ADAD1: variants seen among roughly 807,000 people sequenced by gnomAD.
The protein encoded by ADAD1 is adenosine deaminase domain-containing protein 1.
ADAD1 carries 46 observed loss-of-function variants against 66.8 expected under a neutral mutation model. The ratio of observed to expected loss-of-function variants is 0.69; its 90% confidence interval spans 0.54 to 0.88. The LOEUF (loss-of-function observed/expected upper bound fraction) is 0.88, where lower values mean the gene tolerates loss of function less well. Among genes scored for constraint, ADAD1 ranks in the 40% least tolerant of loss-of-function variants. The probability of loss-of-function intolerance (pLI) is 0.00; values close to 1 mark genes in which losing one functional copy is unlikely to be tolerated. For missense variants in ADAD1, 617 were observed against 681.8 expected (o/e 0.91, Z 1.06); for synonymous variants, 248 against 229.4 (o/e 1.08, Z -0.73).
intron 7 of ADAD1, among the ~76,000 whole-genome samples, chr4:122,402,916 T>C (rs1349648603): frequency 1.3e-5 from 2 of 152,220 alleles, no homozygotes; most frequent in African/African-American, 4.8e-5. Context: ...TTTTAATTTC[T>C]TTAAGTTGGT....
intron 10 of ADAD1, among the ~76,000 whole-genome samples, chr4:122,413,546 A>G (rs1435334559): frequency 2.6e-5 from 4 of 152,064 alleles, no homozygotes; most frequent in African/African-American, 9.7e-5. Flanking sequence ...TTTCTGCTTA[A>G]GTACTTCAAA....
chr4:122,420,546 G>T lies in ADAD1; in HGVS notation c.1488-715G>T, dbSNP rs111663603. On this transcript the variant is annotated intron_variant, in intron 11 of 12. Transcript: ENST00000296513. Reference sequence around the variant, plus strand: ...ACAAGGCTACTAAAATTCAAGGGAAGGGAAAATCAGCCATGCCTGTTGATG... The same window carrying T: ...ACAAGGCTACTAAAATTCAAGGGAATGGAAAATCAGCCATGCCTGTTGATG... 2.2e-3 allele frequency among the ~76,000 whole-genome samples: 328 copies of T among 152,314 alleles called. 2 individuals are homozygous for T. The highest frequency in any genetic ancestry group is 7.3e-3 in the African/African-American group (304 of 41,576).
intron 11 of ADAD1, among the ~76,000 whole-genome samples, chr4:122,420,562 C>G (rs910034729): frequency 6.6e-6 from 1 of 152,156 alleles, no homozygotes; most frequent in Non-Finnish European, 1.5e-5. Flanking sequence ...ATCAGCCATG[C>G]CTGTTGATGT....
Position 122,429,721 on chromosome 4 carries a change from A to T in ADAD1, c.1713A>T (p.Ile571=). ...CCTGGATTGTGAAATCTCCCTGCAT[A>T]GAGCAATTTAACATGTGAAATAGGC... ...YGSWIVKSPC[I]EQFNM is the part of the protein sequence containing the mutation. The change falls in exon 13 of 13, where the codon ATA becomes ATT. Residue 571 remains isoleucine (I), a synonymous_variant. Coordinates refer to ENST00000296513, the MANE Select transcript of ADAD1 (RefSeq NM_139243.4). 18 of 1,607,400 alleles carry T rather than the reference A, an allele frequency of 1.1e-5. No individual in the cohort carries two copies. Among genetic ancestry groups the T allele is most frequent in the Non-Finnish European group, 1.5e-5 (18 of 1,175,556 alleles).
chr4:122,394,842 T>C (rs965693395), intron 6 of ADAD1, among the ~76,000 whole-genome samples: 2 of 152,206 alleles, frequency 1.3e-5, no homozygotes, highest in African/African-American at 4.8e-5. Flanking sequence ...ATATGTAGTT[T>C]TTAAAAATAC....
At chr4:122,407,398 A>C (rs1796263896) in intron 7 of ADAD1, among the ~76,000 whole-genome samples, 1 of 152,206 alleles carries the variant, frequency 6.6e-6, no homozygotes, top group Non-Finnish European at 1.5e-5. Context: ...AATGGAGCAA[A>C]GTTACTGGAA....
At chr4:122,407,248 GAA>G (rs34089566) in intron 7 of ADAD1, among the ~76,000 whole-genome samples, 2 of 151,658 alleles carry the variant, frequency 1.3e-5, no homozygotes, top group African/African-American at 2.4e-5. Flanking sequence ...GGAATATGGG[GAA>G]AAAAAAGAGT....
At chr4:122,419,118 G>A (rs912448529) in intron 11 of ADAD1, among the ~76,000 whole-genome samples, 2 of 152,122 alleles carry the variant, frequency 1.3e-5, no homozygotes, top group Non-Finnish European at 2.9e-5. Context: ...GCAAAGACAT[G>A]GAATCATTCC....
intron 7 of ADAD1, among the ~76,000 whole-genome samples, chr4:122,406,198 C>T (rs1796204310): frequency 6.6e-6 from 1 of 152,164 alleles, no homozygotes; most frequent in South Asian, 2.1e-4. Flanking sequence ...CTGCCAACAA[C>T]ATATAAGGGT....
chr4:122,420,478 T>C (rs1354203909), intron 11 of ADAD1, among the ~76,000 whole-genome samples: 1 of 152,190 alleles, frequency 6.6e-6, no homozygotes, highest in Non-Finnish European at 1.5e-5. Flanking sequence ...CAGGCCTAGA[T>C]TCAGAATTAT....
intron 11 of ADAD1, among the ~76,000 whole-genome samples, chr4:122,419,758 T>C (rs972563629): frequency 1.3e-5 from 2 of 152,228 alleles, no homozygotes; most frequent in Non-Finnish European, 2.9e-5. Flanking sequence ...TAATGTGTCA[T>C]ATTAATTAAT....
At chr4:122,417,402 C>G (rs1796787987) in intron 11 of ADAD1, among the ~76,000 whole-genome samples, 1 of 148,848 alleles carries the variant, frequency 6.7e-6, no homozygotes, top group South Asian at 2.1e-4. Flanking sequence ...AATTCAGTCT[C>G]AAAGCATTAC....
At chr4:122,426,428 C>T (rs1797239904) in intron 12 of ADAD1, among the ~76,000 whole-genome samples, 1 of 152,120 alleles carries the variant, frequency 6.6e-6, no homozygotes, top group Non-Finnish European at 1.5e-5. Flanking sequence ...AAGACAAATC[C>T]TACAAAAGCT....
rs768759198 is a variant in ADAD1, at chr4:122,393,611, A to G, written c.552A>G (p.Glu184=). 1.3e-5 allele frequency: 21 copies of G among 1,601,126 alleles called. No individual in the cohort carries two copies. The highest frequency in any genetic ancestry group is 1.6e-5 in the Non-Finnish European group (19 of 1,175,110). ...ETSGPPPFPA[E]PVVLSELAYV... is the part of the protein sequence containing the mutation. ...CAGGTCCTCCTCCTTTCCCTGCAGA[A>G]CCTGTTGTTTTATCTGAACTAGCAT... The change falls in exon 6 of 13, where the codon GAA becomes GAG. Residue 184 remains glutamate, a synonymous_variant. Coordinates refer to ENST00000296513, the MANE Select transcript of ADAD1 (RefSeq NM_139243.4).
chr4:122,415,254 G>GA, intron 10 of ADAD1, 125 bp from the exon 11 acceptor site: 1 of 701,056 alleles, frequency 1.4e-6, no homozygotes, highest in Non-Finnish European at 2.3e-6. Context: ...ATAGAACTAG[G>GA]AAAGGGAAGG....
At chr4:122,408,739 C>A (rs1454500163) in intron 8 of ADAD1, among the ~76,000 whole-genome samples, 2 of 151,892 alleles carry the variant, frequency 1.3e-5, no homozygotes, top group African/African-American at 4.8e-5. Flanking sequence ...TAAAATTAAC[C>A]AGGTATGGTG....
At chr4:122,411,164 A>G (rs753745368) in intron 8 of ADAD1, 58 bp from the exon 9 acceptor site, 12 of 1,357,524 alleles carry the variant, frequency 8.8e-6, no homozygotes, top group Non-Finnish European at 1.2e-5. Context: ...CATGATGCTC[A>G]TTAAGATATA....
At chr4:122,410,353 AT>A (rs1796412891) in intron 8 of ADAD1, among the ~76,000 whole-genome samples, 1 of 151,966 alleles carries the variant, frequency 6.6e-6, no homozygotes, top group South Asian at 2.1e-4. Context: ...AATTTTTACT[AT>A]ATATTTTTGA....
intron 12 of ADAD1, among the ~76,000 whole-genome samples, chr4:122,424,631 TTTTC>T (rs1456815424): frequency 1.3e-5 from 2 of 152,080 alleles, no homozygotes; most frequent in Admixed American, 6.6e-5. Flanking sequence ...AGTAAAACAT[TTTTC>T]TTAAACTATA....
Sources: allele counts gnomAD v4.1 joint callset (sites outside exome capture counted in the v4.1 genomes callset), GRCh38; gene constraint gnomAD v4.1.1; transcripts MANE v1.5; gene names NCBI Gene and HGNC (gene_info 2026-07-23, HGNC 2026-07-21).